The following MCOLN2 variants were observed in gnomAD, a reference collection of about 807,000 sequenced individuals.
MCOLN2 encodes mucolipin TRP cation channel 2.
MCOLN2 carries 57 observed loss-of-function variants against 67.5 expected under a neutral mutation model. The observed-to-expected ratio is 0.84, with a 90% CI of 0.68 to 1.05. MCOLN2 has a LOEUF of 1.05. MCOLN2 is among the 50% of genes least tolerant of loss of function. The probability of loss-of-function intolerance (pLI) is 0.00; values close to 1 mark genes in which losing one functional copy is unlikely to be tolerated. For missense variants in MCOLN2, 620 were observed against 678.8 expected (o/e 0.91, Z 0.96); for synonymous variants, 246 against 233.3 (o/e 1.05, Z -0.50).
intron 1 of MCOLN2, among the ~76,000 whole-genome samples, chr1:84,981,018 G>A (rs1650227589): frequency 6.6e-6 from 1 of 152,152 alleles, no homozygotes; most frequent in East Asian, 1.9e-4. Context: ...TGTCTCAAAA[G>A]AAGACATACA....
At chr1:84,993,998 A>C (rs1445757276) in intron 1 of MCOLN2, among the ~76,000 whole-genome samples, 2 of 152,248 alleles carry the variant, frequency 1.3e-5, no homozygotes, top group Non-Finnish European at 2.9e-5. Flanking sequence ...TTGTGTTAAC[A>C]TATATGAAAA....
At chr1:84,976,293 T>TA (rs35043276) in intron 1 of MCOLN2, among the ~76,000 whole-genome samples, 74,593 of 151,682 alleles carry the variant, frequency 0.49, 18,561 homozygotes, top group East Asian at 0.64. Flanking sequence ...AGCAGCAAGA[T>TA]AAAAAAACAA....
chr1:84,991,197 C>T (rs1159146807), intron 1 of MCOLN2, among the ~76,000 whole-genome samples: 1 of 151,952 alleles, frequency 6.6e-6, no homozygotes, highest in East Asian at 1.9e-4. Flanking sequence ...TATTTCCCTG[C>T]CTTAGTTTGT....
chr1:84,979,619 C>G (rs376407561), intron 1 of MCOLN2, among the ~76,000 whole-genome samples: 23 of 152,230 alleles, frequency 1.5e-4, no homozygotes, highest in African/African-American at 5.5e-4. Flanking sequence ...TGATAAAATT[C>G]AACATTGCTT....
chr1:84,973,172 C>G (rs577353197), intron 1 of MCOLN2, among the ~76,000 whole-genome samples: 1 of 152,324 alleles, frequency 6.6e-6, no homozygotes, highest in South Asian at 2.1e-4. Flanking sequence ...AAGGTGCCCT[C>G]ACTCGGTCAG....
At chr1:84,990,849 C>T (rs1173554199) in intron 1 of MCOLN2, among the ~76,000 whole-genome samples, 4 of 151,808 alleles carry the variant, frequency 2.6e-5, no homozygotes, top group South Asian at 2.1e-4. Context: ...GCAGGAGGAT[C>T]GCTTGAGCCT....
chr1:84,935,959 G>A (rs1647401623), intron 11 of MCOLN2, among the ~76,000 whole-genome samples: 2 of 152,190 alleles, frequency 1.3e-5, no homozygotes, highest in African/African-American at 4.8e-5. Flanking sequence ...ATGCTCTCTT[G>A]CAATGATCTG....
intron 1 of MCOLN2, among the ~76,000 whole-genome samples, chr1:84,987,959 A>G (rs1650702505): frequency 1.3e-5 from 2 of 152,132 alleles, no homozygotes; most frequent in South Asian, 2.1e-4. Flanking sequence ...CAGACTGGGT[A>G]CAGTGTACAC....
chr1:84,971,496 A>C (rs1225001687), intron 1 of MCOLN2, among the ~76,000 whole-genome samples: 1 of 101,950 alleles, frequency 9.8e-6, no homozygotes, highest in African/African-American at 4.0e-5. Flanking sequence ...TATTAAACAG[A>C]CATACACACA....
intron 1 of MCOLN2, among the ~76,000 whole-genome samples, chr1:84,966,751 T>C (rs1258684101): frequency 2.0e-5 from 3 of 152,186 alleles, no homozygotes; most frequent in African/African-American, 7.2e-5. Flanking sequence ...AATGGGCACA[T>C]GACTCAAGGT....
intron 1 of MCOLN2, among the ~76,000 whole-genome samples, chr1:84,973,965 G>A (rs1330289244): frequency 9.2e-5 from 14 of 152,216 alleles, no homozygotes; most frequent in South Asian, 2.1e-4. Context: ...CACCTGGTGC[G>A]CAGAGTGCCT....
intron 1 of MCOLN2, among the ~76,000 whole-genome samples, chr1:84,994,383 T>G (rs890028874): frequency 5.3e-5 from 8 of 152,208 alleles, no homozygotes; most frequent in African/African-American, 1.9e-4. Context: ...CTAGATGGCA[T>G]CTCCTGCCAA....
At chr1:84,940,004 G>A (rs541301917) in intron 8 of MCOLN2, among the ~76,000 whole-genome samples, 6 of 152,096 alleles carry the variant, frequency 3.9e-5, no homozygotes, top group Admixed American at 6.5e-5. Flanking sequence ...CATCCATTCC[G>A]ATAACAACCC....
intron 7 of MCOLN2, among the ~76,000 whole-genome samples, 193 bp from the exon 8 acceptor site, chr1:84,941,184 T>C (rs1046077223): frequency 3.9e-5 from 6 of 152,224 alleles, no homozygotes; most frequent in African/African-American, 1.4e-4. Flanking sequence ...TTCCCTGATA[T>C]AAAGCTATAC....
In MCOLN2 at chr1:84,987,470, A is replaced by C. The variant is rs1273734559; in HGVS notation, c.77+9326T>G. On this transcript the variant is annotated intron_variant, in intron 1 of 13. Transcript: ENST00000370608. ...TACATATATACATATATGTATATAT[A>C]GATATATATACATATATACATATGT... Among the ~76,000 whole-genome samples the C allele has an allele frequency of 3.0e-5, 3 of 99,994 alleles. 1 individual carries two copies. The highest frequency in any genetic ancestry group is 3.9e-5 in the Non-Finnish European group (2 of 51,162). The allele number at this position is 99,994 out of a possible 152,430, so 65.6% of individuals were successfully genotyped here.
intron 7 of MCOLN2, among the ~76,000 whole-genome samples, chr1:84,942,550 CACTT>C (rs1469888329): frequency 6.6e-6 from 1 of 151,928 alleles, no homozygotes. Context: ...TAATAGCAAA[CACTT>C]ACAGTGGTTA....
rs565640535 is a variant in MCOLN2 at position 84,947,125 on chromosome 1, A to C, written c.755T>G (p.Phe252Cys). ...DCYVFQNTII[F>C]DNKAHSGKIK... ...TTTGCCACTGTGAGCTTTATTGTCA[A>C]AGATAATCTGGAGACACAAATGTAT... The change falls in exon 7 of 14, where the codon TTT becomes TGT. Residue 252 changes from phenylalanine (F) to cysteine (C), a missense_variant. Transcript: ENST00000370608. The C allele has an allele frequency of 6.5e-7, 1 of 1,538,916 alleles. No individual in the cohort carries two copies. The highest frequency in any genetic ancestry group is 2.2e-5 in the East Asian group (1 of 44,500).
chr1:84,963,624 A>G (rs1014083602), intron 2 of MCOLN2, among the ~76,000 whole-genome samples: 2 of 152,078 alleles, frequency 1.3e-5, no homozygotes, highest in Admixed American at 6.5e-5. Context: ...TGCTGTTCTC[A>G]TGATAGTGAG....
At chr1:84,958,491 A>C (rs753290885) in intron 3 of MCOLN2, 38 bp downstream of exon 3, 4 of 1,493,944 alleles carry the variant, frequency 2.7e-6, no homozygotes, top group Non-Finnish European at 3.6e-6. Flanking sequence ...GTATCAATAC[A>C]TTGTTAAAGT....
Sources: gnomAD v4.1 joint callset for allele counts (sites outside exome capture counted in the v4.1 genomes callset) on GRCh38, gnomAD v4.1.1 for gene constraint, MANE v1.5 for transcripts, NCBI Gene and HGNC (gene_info 2026-07-23, HGNC 2026-07-21) for gene names.